STARD13: variants seen among roughly 807,000 people sequenced by gnomAD.
STARD13 encodes stAR-related lipid transfer protein 13.
In STARD13, 62 loss-of-function variants were observed where a neutral mutation model predicts 106.4. The ratio of observed to expected loss-of-function variants is 0.58; its 90% CI spans 0.48 to 0.72. STARD13 has a LOEUF of 0.72. Among genes scored for constraint, STARD13 ranks in the 30% least tolerant of loss-of-function variants. The pLI, the probability that STARD13 is intolerant of heterozygous loss-of-function variation, is 0.00. For missense variants in STARD13, 1,387 were observed against 1,424.0 expected, an observed-to-expected ratio of 0.97 and a Z score of 0.42; for synonymous variants, 565 against 553.0, an observed-to-expected ratio of 1.02 and a Z score of -0.31.
the STARD13 span, among the ~76,000 whole-genome samples, chr13:33,663,376 A>C: frequency 6.6e-6 from 1 of 152,222 alleles, no homozygotes; most frequent in Non-Finnish European, 1.5e-5. Flanking sequence ...CATTTTGAAA[A>C]ATAAAAATAC....
chr13:33,658,595 C>T, the STARD13 span, among the ~76,000 whole-genome samples: 4 of 152,234 alleles, frequency 2.6e-5, no homozygotes, highest in Non-Finnish European at 5.9e-5. Flanking sequence ...TTTCACTTTT[C>T]ATCCCAATGG....
At chr13:33,431,751 G>T in the STARD13 span, among the ~76,000 whole-genome samples, 1 of 152,048 alleles carries the variant, frequency 6.6e-6, no homozygotes, top group South Asian at 2.1e-4. Context: ...TACCTTACAG[G>T]GTGGTCATAA....
the STARD13 span, among the ~76,000 whole-genome samples, chr13:33,658,716 T>C: frequency 6.6e-6 from 1 of 152,230 alleles, no homozygotes; most frequent in African/African-American, 2.4e-5. Flanking sequence ...TTCAAAGTGA[T>C]GTCTTTTAGT....
the STARD13 span, among the ~76,000 whole-genome samples, chr13:33,589,871 G>A: frequency 4.1e-4 from 63 of 152,150 alleles, no homozygotes; most frequent in Admixed American, 6.5e-4. Context: ...TTTCTGTCTC[G>A]TTGATCTGTC....
In STARD13 at chr13:33,126,108, T is replaced by C. The variant is rs746734649; in HGVS notation, c.2055A>G (p.Arg685=). The C allele has an allele frequency of 9.9e-6, 16 of 1,613,988 alleles. No homozygotes were observed. The East Asian group carries it at 3.3e-4, about 34-fold the overall frequency. The change falls in exon 7 of 14, where the codon AGA becomes AGG. Residue 685 remains arginine, a synonymous_variant. Coordinates refer to ENST00000336934, the MANE Select transcript of STARD13 (RefSeq NM_178006.4). The stretch of plus-strand genomic sequence containing the variant: ...GATCGAGGCAGTTGCTGCGTAGATA[T>C]CTCAGTGCTTGCTGAATACTTTGAG... The part of the protein sequence containing the change: ...PLPQSIQQAL[R]YLRSNCLDQV...
At chr13:33,153,444 A>C (rs2138292512) in intron 3 of STARD13, among the ~76,000 whole-genome samples, 1 of 152,150 alleles carries the variant, frequency 6.6e-6, no homozygotes, top group East Asian at 1.9e-4. Flanking sequence ...GGGACCAGGA[A>C]GAAGGACCAG....
intron 1 of STARD13, among the ~76,000 whole-genome samples, chr13:33,322,963 T>C (rs1003922703): frequency 1.3e-5 from 2 of 152,238 alleles, no homozygotes; most frequent in Non-Finnish European, 2.9e-5. Context: ...CTCTTTTTTC[T>C]TTTTTATAGG....
intron 1 of STARD13, among the ~76,000 whole-genome samples, chr13:33,335,684 C>T (rs189716184): frequency 6.2e-4 from 95 of 152,352 alleles, no homozygotes; most frequent in African/African-American, 2.2e-3. Flanking sequence ...AAGCAACCAA[C>T]GAGGTGTGTG....
At chr13:33,490,807 C>T in the STARD13 span, among the ~76,000 whole-genome samples, 1 of 152,252 alleles carries the variant, frequency 6.6e-6, no homozygotes, top group African/African-American at 2.4e-5. Context: ...GTCCACTGAG[C>T]TGATTAACAC....
chr13:33,350,243 G>A, intron 1 of STARD13: 1 of 1,498,636 alleles, frequency 6.7e-7, no homozygotes, highest in Non-Finnish European at 8.9e-7. Flanking sequence ...CTACGGGGCC[G>A]GCGCCTCCCC....
chr13:33,130,419 C>A lies in STARD13; in HGVS notation c.388-130G>T, dbSNP rs1267756000. The A allele has an allele frequency of 4.8e-6, 4 of 834,776 alleles. No individual in the cohort carries two copies. Among genetic ancestry groups the A allele is most frequent in the Admixed American group, 5.2e-5 (2 of 38,830 alleles). The allele number at this position is 834,776 out of a possible 1,614,324, so 51.7% of individuals were successfully genotyped here. A position where few individuals can be genotyped will look rare whatever the true frequency, so the allele number is the denominator to read the frequency against. ...CTGTCCTCCCATGCACAGGTGTGAGCTTCTTGGGCACCTCTAAGCTGTCCT... is the reference window on the plus strand; with the variant it reads ...CTGTCCTCCCATGCACAGGTGTGAGATTCTTGGGCACCTCTAAGCTGTCCT... On this transcript the variant is annotated intron_variant, in intron 4 of 13. Coordinates refer to ENST00000336934, the MANE Select transcript of STARD13 (RefSeq NM_178006.4). The surrounding 1 kb of genome is among the most constrained non-coding windows in gnomAD (Gnocchi z 4.1).
chr13:33,361,760 G>A, the STARD13 span, among the ~76,000 whole-genome samples: 3 of 152,204 alleles, frequency 2.0e-5, no homozygotes, highest in South Asian at 6.2e-4. Flanking sequence ...GATCTCATGA[G>A]AACTCACTCA....
the STARD13 span, among the ~76,000 whole-genome samples, chr13:33,584,338 G>T: frequency 6.6e-6 from 1 of 152,114 alleles, no homozygotes; most frequent in Non-Finnish European, 1.5e-5. Flanking sequence ...TACAATCATG[G>T]CGGAAGGCAA....
the STARD13 span, among the ~76,000 whole-genome samples, chr13:33,568,879 G>A: frequency 6.7e-6 from 1 of 148,172 alleles, no homozygotes; most frequent in African/African-American, 2.5e-5. Context: ...ATATTGGACA[G>A]AATTATTCTA....
chr13:33,565,559 G>A, the STARD13 span, among the ~76,000 whole-genome samples: 1 of 147,960 alleles, frequency 6.8e-6, no homozygotes, highest in African/African-American at 2.5e-5. Flanking sequence ...TAAACCTGAA[G>A]GAAAGCAAAT....
the STARD13 span, among the ~76,000 whole-genome samples, chr13:33,514,906 T>C: frequency 1.3e-5 from 2 of 152,114 alleles, no homozygotes; most frequent in Non-Finnish European, 2.9e-5. Flanking sequence ...CCAAGGCTTC[T>C]AGAACTGGTG....
the STARD13 span, among the ~76,000 whole-genome samples, chr13:33,398,738 C>T: frequency 6.6e-6 from 1 of 152,156 alleles, no homozygotes; most frequent in African/African-American, 2.4e-5. Context: ...ATTAAAACCA[C>T]AATGAGATAC....
At chr13:33,549,611 C>T in the STARD13 span, among the ~76,000 whole-genome samples, 1 of 152,216 alleles carries the variant, frequency 6.6e-6, no homozygotes, top group African/African-American at 2.4e-5. Context: ...TCTTCATCAT[C>T]ACTATTATCA....
At chr13:33,298,224 G>A (rs971878771) in intron 1 of STARD13, among the ~76,000 whole-genome samples, 1 of 145,218 alleles carries the variant, frequency 6.9e-6, no homozygotes, top group African/African-American at 2.6e-5. Flanking sequence ...CTGCCTCCCA[G>A]GTTCAAGCAA....
Sources: allele counts gnomAD v4.1 joint callset (sites outside exome capture counted in the v4.1 genomes callset), GRCh38; gene constraint gnomAD v4.1.1; non-coding constraint Gnocchi (gnomAD v3.1); transcripts MANE v1.5; gene names NCBI Gene and HGNC (gene_info 2026-07-23, HGNC 2026-07-21).